Variants in DDX60L observed in about 807,000 individuals in gnomAD.
DDX60L encodes DExD/H-box 60 like.
In DDX60L, 191 loss-of-function variants were observed where a neutral mutation model predicts 211.6. The observed-to-expected ratio is 0.90, with a 90% CI of 0.80 to 1.02. The LOEUF (loss-of-function observed/expected upper bound fraction) is 1.02, where lower values mean the gene tolerates loss of function less well. Ranked by LOEUF, DDX60L falls within the 50% of genes least tolerant of loss-of-function variation. The pLI, the probability that DDX60L is intolerant of heterozygous loss-of-function variation, is 0.00. For synonymous variants in DDX60L, 706 were observed against 694.1 expected, an observed-to-expected ratio of 1.02 and a Z score of -0.27; for missense variants, 2,007 against 1,984.1, an observed-to-expected ratio of 1.01 and a Z score of -0.22.
intron 37 of DDX60L, among the ~76,000 whole-genome samples, chr4:168,358,524 C>CTTTT (rs70961514): frequency 2.0e-4 from 22 of 108,282 alleles, no homozygotes; most frequent in Non-Finnish European, 2.7e-4. Flanking sequence ...TTTTCTTTTT[C>CTTTT]TTTTTTTTTT....
chr4:168,394,123 G>C (rs1745346718), intron 28 of DDX60L, among the ~76,000 whole-genome samples: 2 of 152,154 alleles, frequency 1.3e-5, no homozygotes, highest in South Asian at 4.2e-4. Context: ...TTGACGCTGG[G>C]AGGTGGAGGT....
At chr4:168,362,573 C>T (rs1204169766) in intron 36 of DDX60L, among the ~76,000 whole-genome samples, 2 of 152,168 alleles carry the variant, frequency 1.3e-5, no homozygotes, top group African/African-American at 4.8e-5. Context: ...CAGCTCAGTG[C>T]CCCTGCCCCC....
intron 30 of DDX60L, chr4:168,380,484 C>G (rs759183585): frequency 2.0e-5 from 3 of 152,344 alleles, no homozygotes; most frequent in Admixed American, 1.3e-4. Flanking sequence ...CGGCCTACTT[C>G]TGCTTCACTT....
At chr4:168,443,574 G>C (rs1372332467) in intron 9 of DDX60L, among the ~76,000 whole-genome samples, 2 of 152,060 alleles carry the variant, frequency 1.3e-5, no homozygotes, top group Admixed American at 1.3e-4. Flanking sequence ...ACACATAATT[G>C]TCAGATTCAC....
At chr4:168,406,472 T>G in intron 23 of DDX60L, 130 bp downstream of exon 23, 1 of 647,294 alleles carries the variant, frequency 1.5e-6, no homozygotes. Flanking sequence ...AAAAAATAAC[T>G]GATTATTTCA....
rs767461447 is a variant in DDX60L, at chr4:168,454,758, C to CTTTTTTTTTTTTTTTTTTT, written c.837+1262_837+1280dup. 2.5e-3 allele frequency among the ~76,000 whole-genome samples: 222 copies of CTTTTTTTTTTTTTTTTTTT among 88,612 alleles called. 50 individuals are homozygous for CTTTTTTTTTTTTTTTTTTT. The highest frequency in any genetic ancestry group is 8.6e-3 in the African/African-American group (178 of 20,662). The allele number at this position is 88,612 out of a possible 152,430, so 58.1% of individuals were successfully genotyped here. ...GTGCTCCCGAAGAGTAAACAGCTTC[C>CTTTTTTTTTTTTTTTTTTT]TTTTTTTTTTTTTTTTTTTTTAGCA... On this transcript the variant is annotated intron_variant, in intron 7 of 37. Coordinates refer to ENST00000682922, the MANE Select transcript of DDX60L (RefSeq NM_001012967.3).
At chr4:168,373,243 T>C (rs1230005149) in intron 35 of DDX60L, among the ~76,000 whole-genome samples, 1 of 152,120 alleles carries the variant, frequency 6.6e-6, no homozygotes. Flanking sequence ...TCCAGCACCC[T>C]AATATTTTAT....
chr4:168,378,655 C>T (rs1742385161), intron 32 of DDX60L, among the ~76,000 whole-genome samples, 180 bp from the exon 33 acceptor site: 1 of 151,982 alleles, frequency 6.6e-6, no homozygotes, highest in East Asian at 1.9e-4. Flanking sequence ...TTGGGTAAGA[C>T]AGGAGATTTT....
chr4:168,369,493 A>AC (rs1740603106), intron 36 of DDX60L, among the ~76,000 whole-genome samples: 1 of 149,884 alleles, frequency 6.7e-6, no homozygotes, highest in Non-Finnish European at 1.5e-5. Flanking sequence ...CAAAAAAAAA[A>AC]AAACAGCAGA....
At chr4:168,401,524 G>C (rs924910801) in intron 25 of DDX60L, among the ~76,000 whole-genome samples, 4 of 152,224 alleles carry the variant, frequency 2.6e-5, no homozygotes, top group Non-Finnish European at 4.4e-5. Flanking sequence ...ATCTCCTGTG[G>C]GATGTGTCAC....
chr4:168,398,367 C>G (rs573543602), intron 26 of DDX60L, among the ~76,000 whole-genome samples: 5 of 152,198 alleles, frequency 3.3e-5, no homozygotes, highest in Non-Finnish European at 5.9e-5. Flanking sequence ...CCTGTTGACT[C>G]GGCTGTTTCC....
intron 9 of DDX60L, among the ~76,000 whole-genome samples, chr4:168,446,900 A>T (rs1269874590): frequency 9.2e-6 from 1 of 108,656 alleles, no homozygotes. Flanking sequence ...TTAAAGACTT[A>T]AACGTTAGAC....
intron 10 of DDX60L, among the ~76,000 whole-genome samples, chr4:168,434,284 A>G (rs1463557157): frequency 2.0e-5 from 3 of 152,160 alleles, no homozygotes; most frequent in African/African-American, 7.2e-5. Flanking sequence ...TGATGTCTCT[A>G]TCCTCTGCTT....
intron 22 of DDX60L, among the ~76,000 whole-genome samples, chr4:168,415,062 A>T (rs1472822285): frequency 6.6e-6 from 1 of 151,964 alleles, no homozygotes; most frequent in Admixed American, 6.6e-5. Context: ...TGATGTGGTT[A>T]TTATGCTTGA....
chr4:168,406,091 A>T lies in DDX60L; in HGVS notation c.3085-13T>A. 1.9e-6 allele frequency: 3 copies of T among 1,584,554 alleles called. No individual in the cohort carries two copies. Among genetic ancestry groups the T allele is most frequent in the Non-Finnish European group, 2.6e-6 (3 of 1,170,316 alleles). On this transcript the variant is annotated splice_polypyrimidine_tract_variant and intron_variant, in intron 23 of 37. Coordinates refer to ENST00000682922, the MANE Select transcript of DDX60L (RefSeq NM_001012967.3). ...CTGGACACAATTCCTTGGGGGGAAA[A>T]TTATCACAAAATTAAGCTAAGCTAT... is the stretch of plus-strand genomic sequence containing the variant.
At chr4:168,465,867 G>T (rs1317320968) in intron 4 of DDX60L, among the ~76,000 whole-genome samples, 1 of 152,024 alleles carries the variant, frequency 6.6e-6, no homozygotes, top group Non-Finnish European at 1.5e-5. Flanking sequence ...GTGTTTTTAT[G>T]CCAGTACCAT....
At chr4:168,431,252 G>C (rs1752298830) in intron 12 of DDX60L, among the ~76,000 whole-genome samples, 1 of 152,056 alleles carries the variant, frequency 6.6e-6, no homozygotes, top group African/African-American at 2.4e-5. Flanking sequence ...CAGGAAGCAA[G>C]GCTAGATTCA....
chr4:168,418,337 G>T (rs1463905043), intron 19 of DDX60L, among the ~76,000 whole-genome samples: 1 of 152,148 alleles, frequency 6.6e-6, no homozygotes, highest in South Asian at 2.1e-4. Flanking sequence ...CAAAGTACTG[G>T]GTTTACAGGC....
At chr4:168,359,542 T>C (rs1472626732) in intron 37 of DDX60L, among the ~76,000 whole-genome samples, 1 of 152,182 alleles carries the variant, frequency 6.6e-6, no homozygotes, top group Non-Finnish European at 1.5e-5. Context: ...AAGCCTTCAT[T>C]TTCTCTCACC....
Sources: allele counts gnomAD v4.1 joint callset (sites outside exome capture counted in the v4.1 genomes callset), GRCh38; gene constraint gnomAD v4.1.1; transcripts MANE v1.5; gene names NCBI Gene and HGNC (gene_info 2026-07-23, HGNC 2026-07-21).